The following PRKAG2 variants were observed in gnomAD, a reference collection of about 807,000 sequenced individuals.
PRKAG2 encodes protein kinase AMP-activated non-catalytic subunit gamma 2, also known as 5'-AMP-activated protein kinase subunit gamma-2.
A neutral mutation model predicts 69.6 loss-of-function variants in PRKAG2; 26 were observed. That is an observed-to-expected ratio of 0.37 (90% CI 0.27 to 0.52). PRKAG2 has a LOEUF of 0.52. Among genes scored for constraint, PRKAG2 ranks in the 20% least tolerant of loss-of-function variants. PRKAG2 has a pLI of 0.90. For synonymous variants in PRKAG2, 293 were observed against 285.0 expected (o/e 1.03, Z -0.28); for missense variants, 557 against 740.0 (o/e 0.75, Z 2.87).
At position 151,705,622 on chromosome 7, in the gene PRKAG2, T is replaced by TAA. The variant is rs2151584804; in HGVS notation, c.467-29987_467-29986dup. Among the ~76,000 whole-genome samples the TAA allele has an allele frequency of 1.3e-5, 2 of 152,252 alleles. 1 individual carries two copies. Among genetic ancestry groups the TAA allele is most frequent in the South Asian group, 4.1e-4 (2 of 4,824 alleles). On this transcript the variant is annotated intron_variant, in intron 3 of 15. Coordinates refer to ENST00000287878, the MANE Select transcript of PRKAG2 (RefSeq NM_016203.4). ...TAAGCACAGTTTTCCCAAAGGCCCATAAAGAAAGCAATTCTATTTGTCCAG... is the reference window on the plus strand; with the variant it reads ...TAAGCACAGTTTTCCCAAAGGCCCATAAAAAGAAAGCAATTCTATTTGTCCAG...
At chr7:151,783,711 G>T (rs1165904863) in intron 2 of PRKAG2, among the ~76,000 whole-genome samples, 2 of 151,634 alleles carry the variant, frequency 1.3e-5, no homozygotes, top group South Asian at 2.1e-4. Context: ...ACCTGAGCTC[G>T]ACCAGCCTGG....
At chr7:151,612,550 T>C (rs1400085398) in intron 5 of PRKAG2, among the ~76,000 whole-genome samples, 3 of 152,202 alleles carry the variant, frequency 2.0e-5, no homozygotes, top group Admixed American at 6.5e-5. Context: ...TGCTTCCACC[T>C]GTTCTGTCCC....
At chr7:151,863,614 A>G (rs1214803678) in intron 1 of PRKAG2, among the ~76,000 whole-genome samples, 1 of 152,194 alleles carries the variant, frequency 6.6e-6, no homozygotes, top group Non-Finnish European at 1.5e-5. Context: ...ATCATTTAAC[A>G]AGGAATAGAA....
intron 4 of PRKAG2, among the ~76,000 whole-genome samples, chr7:151,663,807 A>T (rs1305688436): frequency 6.6e-6 from 1 of 152,214 alleles, no homozygotes; most frequent in Non-Finnish European, 1.5e-5. Flanking sequence ...GATGAGACTC[A>T]ATCTGCCCCT....
chr7:151,803,937 CAAAAA>C (rs71198732), intron 1 of PRKAG2, among the ~76,000 whole-genome samples: 5 of 107,064 alleles, frequency 4.7e-5, no homozygotes, highest in Admixed American at 1.0e-4. Flanking sequence ...GACTATGTCT[CAAAAA>C]AAAAAAAAAA....
At chr7:151,658,173 A>ATAAATAAG (rs1779213359) in intron 4 of PRKAG2, among the ~76,000 whole-genome samples, 1 of 146,200 alleles carries the variant, frequency 6.8e-6, no homozygotes, top group Admixed American at 6.9e-5. Flanking sequence ...AAATAAATAA[A>ATAAATAAG]TAAATAAATA....
At chr7:151,844,048 G>A (rs1355629857) in intron 1 of PRKAG2, among the ~76,000 whole-genome samples, 7 of 152,250 alleles carry the variant, frequency 4.6e-5, no homozygotes, top group Admixed American at 4.6e-4. Context: ...GGAGGTAGAA[G>A]GAGGAGATAG....
Position 151,714,949 on chromosome 7 carries a change from C to T in PRKAG2, c.467-39312G>A, listed in dbSNP as rs1795922048. ...TGGGCAACAGAGCGAGACTCCATCTCAAAAAAATAATAAATAAGAAAAAAT... is the reference window on the plus strand; with the variant it reads ...TGGGCAACAGAGCGAGACTCCATCTTAAAAAAATAATAAATAAGAAAAAAT... On this transcript the variant is annotated intron_variant, in intron 3 of 15. Coordinates refer to ENST00000287878, the MANE Select transcript of PRKAG2 (RefSeq NM_016203.4). 2.0e-5 allele frequency among the ~76,000 whole-genome samples: 3 copies of T among 149,702 alleles called. No homozygotes were observed. The East Asian group carries it at 5.9e-4, about 30-fold the overall frequency.
In PRKAG2 at chr7:151,558,994, A is replaced by T. The variant is rs545120295; in HGVS notation, c.1678+1530T>A. 1.1e-5 allele frequency: 11 copies of T among 985,466 alleles called. No individual in the cohort carries two copies. In the African/African-American group the frequency reaches 1.9e-4, roughly 17 times the overall value. 61.0% of individuals were successfully genotyped at this position (985,466 alleles called of 1,614,324 possible). ...ACATTCAGCCTGACCCGCTGGGCAG[A>T]CTGTGTCCCGTGGTCCAGGGCTGGA... On this transcript the variant is annotated intron_variant, in intron 15 of 15. Transcript: ENST00000287878.
At position 151,835,242 on chromosome 7, in the gene PRKAG2, G is replaced by T. The variant is rs1010218905; in HGVS notation, c.114+41265C>A. Among the ~76,000 whole-genome samples, 1 of 152,070 alleles carries T rather than the reference G, an allele frequency of 6.6e-6. No homozygotes were observed. The highest frequency in any genetic ancestry group is 2.4e-5 in the African/African-American group (1 of 41,392). The stretch of plus-strand genomic sequence containing the variant: ...TATGTTCATTTGTTTTTAGGGTCAG[G>T]GTCTTGCTGTTTTCCAGGCTGGAGT... On this transcript the variant is annotated intron_variant, in intron 1 of 15. Transcript: ENST00000287878. This position sits in a 1 kb window ranked among gnomAD's most constrained non-coding sequence, Gnocchi z 4.1.
chr7:151,617,811 CAATTTT>C (rs756300917), intron 5 of PRKAG2, among the ~76,000 whole-genome samples: 1 of 152,138 alleles, frequency 6.6e-6, no homozygotes, highest in Non-Finnish European at 1.5e-5. Context: ...TCCTTATTCA[CAATTTT>C]AACTTAATAT....
chr7:151,841,951 G>A (rs2079304849), intron 1 of PRKAG2, among the ~76,000 whole-genome samples: 2 of 149,718 alleles, frequency 1.3e-5, no homozygotes, highest in African/African-American at 4.9e-5. Flanking sequence ...GGTAGTGATG[G>A]TAGTGATGGT....
At chr7:151,792,402 C>T (rs564353062) in intron 1 of PRKAG2, among the ~76,000 whole-genome samples, 22 of 152,310 alleles carry the variant, frequency 1.4e-4, no homozygotes, top group African/African-American at 4.3e-4. Flanking sequence ...GCCCCCGGCC[C>T]GCTACTTATC....
intron 1 of PRKAG2, among the ~76,000 whole-genome samples, chr7:151,873,670 T>A (rs1032352928): frequency 6.6e-6 from 1 of 152,158 alleles, no homozygotes. Flanking sequence ...AAGAACGTTA[T>A]GAAAAGCTGC....
intron 3 of PRKAG2, among the ~76,000 whole-genome samples, chr7:151,688,054 G>T (rs1383084170): frequency 1.8e-5 from 1 of 55,204 alleles, no homozygotes; most frequent in East Asian, 4.1e-4. Flanking sequence ...CCCCCCCCGG[G>T]CTCCTTGCTG....
chr7:151,680,300 C>T lies in PRKAG2; in HGVS notation c.467-4663G>A, dbSNP rs943278972. ...TGCTTTTAAAAGCAGAGCCTGGAGA[C>T]GCAGAGGCTCGTCAAGAAGAGGTTA... On this transcript the variant is annotated intron_variant, in intron 3 of 15. Coordinates refer to ENST00000287878, the MANE Select transcript of PRKAG2 (RefSeq NM_016203.4). Among the ~76,000 whole-genome samples, 13 of 152,214 alleles carry T rather than the reference C, an allele frequency of 8.5e-5. No homozygotes were observed. In the East Asian group the frequency reaches 1.5e-3, roughly 18 times the overall value.
chr7:151,767,235 G>A (rs1196966357), intron 3 of PRKAG2, among the ~76,000 whole-genome samples: 2 of 152,120 alleles, frequency 1.3e-5, no homozygotes, highest in African/African-American at 2.4e-5. Context: ...AGAAGGAGCC[G>A]GCCCTGCCCA....
chr7:151,702,904 C>T (rs1026464477), intron 3 of PRKAG2, among the ~76,000 whole-genome samples: 5 of 152,288 alleles, frequency 3.3e-5, no homozygotes, highest in East Asian at 3.9e-4. Flanking sequence ...GGGGTGATAC[C>T]TCTCGCCTTC....
intron 3 of PRKAG2, among the ~76,000 whole-genome samples, chr7:151,693,960 C>T (rs1836150165): frequency 1.3e-5 from 2 of 151,088 alleles, no homozygotes; most frequent in Admixed American, 6.6e-5. Flanking sequence ...CAACTTGTGA[C>T]CCCTGGGTTC....
Sources: gnomAD v4.1 joint callset for allele counts (sites outside exome capture counted in the v4.1 genomes callset) on GRCh38, gnomAD v4.1.1 for gene constraint, Gnocchi (gnomAD v3.1) non-coding constraint, MANE v1.5 for transcripts, NCBI Gene and HGNC (gene_info 2026-07-23, HGNC 2026-07-21) for gene names.